The following GRM8 variants were observed in gnomAD, a reference collection of about 807,000 sequenced individuals.
The protein encoded by GRM8 is glutamate metabotropic receptor 8, also known as metabotropic glutamate receptor 8.
Under a neutral mutation model 87.2 loss-of-function variants are expected in GRM8, and 47 were observed. The ratio of observed to expected loss-of-function variants is 0.54; its 90% confidence interval spans 0.43 to 0.69. GRM8 has a LOEUF of 0.69. Among genes scored for constraint, GRM8 ranks in the 30% least tolerant of loss-of-function variants. The probability of loss-of-function intolerance (pLI) is 0.00; values close to 1 mark genes in which losing one functional copy is unlikely to be tolerated. For missense variants in GRM8, 1,019 were observed against 1,139.2 expected (o/e 0.89, Z 1.52); for synonymous variants, 396 against 404.5 (o/e 0.98, Z 0.25).
At chr7:126,701,883 C>G in intron 7 of GRM8, 1 of 678,174 alleles carries the variant, frequency 1.5e-6, no homozygotes, top group Non-Finnish European at 2.4e-6. Context: ...TGACTATATG[C>G]CTGGTTTGCT....
intron 8 of GRM8, among the ~76,000 whole-genome samples, chr7:126,578,939 A>G (rs1795356258): frequency 6.6e-6 from 1 of 152,166 alleles, no homozygotes. Flanking sequence ...ATAACCCTAC[A>G]AGGAAATTTT....
chr7:126,887,572 C>T (rs1800616628), intron 6 of GRM8, among the ~76,000 whole-genome samples: 1 of 151,994 alleles, frequency 6.6e-6, no homozygotes, highest in Non-Finnish European at 1.5e-5. Context: ...TCATCATCAC[C>T]CTTATCTCCA....
chr7:126,570,468 C>T (rs545871666), intron 8 of GRM8, among the ~76,000 whole-genome samples: 31 of 152,174 alleles, frequency 2.0e-4, no homozygotes, highest in Non-Finnish European at 4.0e-4. Context: ...ATAAACTAGA[C>T]ATTAGAAATT....
intron 6 of GRM8, among the ~76,000 whole-genome samples, chr7:126,829,100 C>T (rs1393985971): frequency 2.6e-5 from 4 of 151,532 alleles, no homozygotes; most frequent in Non-Finnish European, 5.9e-5. Flanking sequence ...TTTACATTTG[C>T]TGAGGAGAGC....
intron 3 of GRM8, among the ~76,000 whole-genome samples, chr7:126,955,349 G>A (rs1808567214): frequency 6.6e-6 from 1 of 152,092 alleles, no homozygotes; most frequent in African/African-American, 2.4e-5. Flanking sequence ...TACAAAGGCT[G>A]TAAAATAACA....
At chr7:126,668,111 C>T (rs1473543601) in intron 7 of GRM8, among the ~76,000 whole-genome samples, 1 of 152,138 alleles carries the variant, frequency 6.6e-6, no homozygotes, top group Non-Finnish European at 1.5e-5. Context: ...CCTCCTCTTC[C>T]TGGGTGGAAC....
intron 2 of GRM8, among the ~76,000 whole-genome samples, chr7:127,108,153 C>T (rs1287193910): frequency 6.6e-6 from 1 of 152,144 alleles, no homozygotes; most frequent in East Asian, 1.9e-4. Context: ...ACTGACCTTA[C>T]CTTGACAAAT....
chr7:127,249,050 T>C (rs780697754), intron 1 of GRM8, among the ~76,000 whole-genome samples: 2 of 152,206 alleles, frequency 1.3e-5, no homozygotes, highest in East Asian at 3.9e-4. Context: ...TACAATATAA[T>C]GCTTCTACCG....
At chr7:126,732,690 C>A (rs1309480927) in intron 7 of GRM8, among the ~76,000 whole-genome samples, 1 of 152,092 alleles carries the variant, frequency 6.6e-6, no homozygotes, top group African/African-American at 2.4e-5. Context: ...TATGTTACAG[C>A]ATATCACAAA....
At chr7:126,994,558 C>T (rs1812994143) in intron 3 of GRM8, among the ~76,000 whole-genome samples, 1 of 152,158 alleles carries the variant, frequency 6.6e-6, no homozygotes, top group African/African-American at 2.4e-5. Flanking sequence ...CACAATCTGA[C>T]TGAAGAGCCC....
intron 2 of GRM8, among the ~76,000 whole-genome samples, chr7:127,132,999 G>C (rs1827769353): frequency 6.6e-6 from 1 of 152,214 alleles, no homozygotes; most frequent in Admixed American, 6.5e-5. Context: ...GGGCACAGTG[G>C]CACATGCCTA....
intron 1 of GRM8, chr7:127,251,337 T>C (rs1440352595): frequency 6.6e-6 from 1 of 152,054 alleles, no homozygotes; most frequent in Non-Finnish European, 1.5e-5. Context: ...CGAAGGGAAT[T>C]TTTTTTTCTT....
At chr7:127,063,652 A>C (rs1266523311) in intron 3 of GRM8, among the ~76,000 whole-genome samples, 1 of 152,160 alleles carries the variant, frequency 6.6e-6, no homozygotes, top group African/African-American at 2.4e-5. Flanking sequence ...TTCAGCTCTG[A>C]TTTTTGTTAT....
At chr7:126,541,040 A>C (rs528313724) in intron 8 of GRM8, among the ~76,000 whole-genome samples, 1 of 152,350 alleles carries the variant, frequency 6.6e-6, no homozygotes, top group Non-Finnish European at 1.5e-5. Flanking sequence ...ATTTTGTTTA[A>C]GGCACAAAGT....
At chr7:126,720,962 A>T (rs1203657277) in intron 7 of GRM8, among the ~76,000 whole-genome samples, 1 of 152,196 alleles carries the variant, frequency 6.6e-6, no homozygotes, top group Non-Finnish European at 1.5e-5. Flanking sequence ...TCTAGCAAAC[A>T]CAGAGATTAA....
intron 6 of GRM8, among the ~76,000 whole-genome samples, chr7:126,831,413 G>A (rs558291764): frequency 7.9e-5 from 12 of 152,294 alleles, no homozygotes; most frequent in South Asian, 2.1e-4. Context: ...AATGGCGGGC[G>A]CCCCTCCCCC....
At chr7:127,009,843 T>C (rs1187357724) in intron 3 of GRM8, among the ~76,000 whole-genome samples, 1 of 151,404 alleles carries the variant, frequency 6.6e-6, no homozygotes, top group African/African-American at 2.4e-5. Flanking sequence ...AGTATCTATA[T>C]GTCTTTTTTT....
At chr7:126,759,990 T>A (rs1817426142) in intron 7 of GRM8, among the ~76,000 whole-genome samples, 1 of 152,170 alleles carries the variant, frequency 6.6e-6, no homozygotes, top group South Asian at 2.1e-4. Flanking sequence ...GTGTTTCTGA[T>A]CGCTAGAAAA....
At chr7:127,079,838 T>C (rs1192344846) in intron 3 of GRM8, among the ~76,000 whole-genome samples, 1 of 151,998 alleles carries the variant, frequency 6.6e-6, no homozygotes, top group Non-Finnish European at 1.5e-5. Context: ...GTAGGTATTT[T>C]TTTTTCCTTA....
Sources: gnomAD v4.1 joint callset for allele counts (sites outside exome capture counted in the v4.1 genomes callset) on GRCh38, gnomAD v4.1.1 for gene constraint, MANE v1.5 for transcripts, NCBI Gene and HGNC (gene_info 2026-07-23, HGNC 2026-07-21) for gene names.